The following IGSF11 variants were observed in gnomAD, a reference collection of about 807,000 sequenced individuals.
IGSF11 encodes the protein immunoglobulin superfamily member 11, also known as CXADR like 1.
A neutral mutation model predicts 41.0 loss-of-function variants in IGSF11; 22 were observed. That is an observed-to-expected ratio of 0.54 (90% confidence interval 0.38 to 0.77). IGSF11 has a LOEUF of 0.77. Among genes scored for constraint, IGSF11 ranks in the 30% least tolerant of loss-of-function variants. The probability of loss-of-function intolerance (pLI) is 0.00; values close to 1 mark genes in which losing one functional copy is unlikely to be tolerated. For synonymous variants in IGSF11, 219 were observed against 201.3 expected, an observed-to-expected ratio of 1.09 and a Z score of -0.74; for missense variants, 444 against 530.8, an observed-to-expected ratio of 0.84 and a Z score of 1.61.
chr3:119,086,734 T>C (rs2076681317), intron 1 of IGSF11, among the ~76,000 whole-genome samples: 1 of 152,192 alleles, frequency 6.6e-6, no homozygotes, highest in African/African-American at 2.4e-5. Context: ...TATGTTTCAA[T>C]AAGCCTTACA....
chr3:119,087,032 A>G (rs1011941138), intron 1 of IGSF11, among the ~76,000 whole-genome samples: 4 of 152,244 alleles, frequency 2.6e-5, no homozygotes, highest in African/African-American at 9.6e-5. Context: ...TGACACCCAC[A>G]GGCTCAAAGT....
chr3:118,972,954 T>C (rs7644623), intron 1 of IGSF11, among the ~76,000 whole-genome samples: 21,406 of 152,176 alleles, frequency 0.14, 2,128 homozygotes, highest in African/African-American at 0.26. Flanking sequence ...CAAAGATGCA[T>C]GTACTGTGAA....
rs1167309772 is a variant in IGSF11 at position 119,017,032 on chromosome 3, C to T, written c.52+17499G>A. 4.8e-5 allele frequency among the ~76,000 whole-genome samples: 6 copies of T among 124,988 alleles called. No homozygotes were observed. In the East Asian group the frequency reaches 6.4e-4, roughly 13 times the overall value. The allele number at this position is 124,988 out of a possible 152,430, so 82.0% of individuals were successfully genotyped here. A position where few individuals can be genotyped will look rare whatever the true frequency, so the allele number is the denominator to read the frequency against. On this transcript the variant is annotated intron_variant, in intron 1 of 6. Transcript: ENST00000393775. ...TAAAGCATGAGCAAAGTTAAATGGA[C>T]GCAGGACAAAAAAAAAAAAAAAAAA...
At position 118,915,269 on chromosome 3, in the gene IGSF11, G is replaced by C. The variant is rs1232176038; in HGVS notation, c.581-9551C>G. Among the ~76,000 whole-genome samples, 2 of 140,518 alleles carry C rather than the reference G, an allele frequency of 1.4e-5. 1 individual carries two copies. Among genetic ancestry groups the C allele is most frequent in the African/African-American group, 5.7e-5 (2 of 35,000 alleles). 92.2% of individuals were successfully genotyped at this position (140,518 alleles called of 152,430 possible). A position where few individuals can be genotyped will look rare whatever the true frequency, so the allele number is the denominator to read the frequency against. Reference sequence around the variant, plus strand: ...AAGCTGGATGGAGAAAGATTTTGACGAGCTGAGAGAAGAAGGCTTCAGACG... The same window carrying C: ...AAGCTGGATGGAGAAAGATTTTGACCAGCTGAGAGAAGAAGGCTTCAGACG... On this transcript the variant is annotated intron_variant, in intron 4 of 6. Transcript: ENST00000393775.
Position 118,930,188 on chromosome 3 carries a change from G to T in IGSF11, c.140C>A (p.Thr47Asn). 1 of 1,614,088 alleles carries T rather than the reference G, an allele frequency of 6.2e-7. No individual in the cohort carries two copies. Among genetic ancestry groups the T allele is most frequent in the East Asian group, 2.2e-5 (1 of 44,882 alleles). The change falls in exon 2 of 7, where the codon ACT becomes AAT. Residue 47 changes from threonine to asparagine, a missense_variant. This residue lies in a region of IGSF11 where 193 missense variants were observed against 283.5 expected (regional missense o/e 0.68). Transcript: ENST00000393775. ...GQPAVLPCTF[T>N]TSAALINLNV... is the part of the protein sequence containing the mutation. ...GAGGTTAATGAGGGCAGCGCTGGTA[G>T]TGAAAGTGCAGGGCAGGACTGCTGG...
chr3:119,088,832 T>G (rs2076718458), intron 1 of IGSF11, among the ~76,000 whole-genome samples: 1 of 152,058 alleles, frequency 6.6e-6, no homozygotes, highest in African/African-American at 2.4e-5. Context: ...GCACACAAAT[T>G]AGAAAATTTA....
At chr3:118,952,422 G>A (rs1359152825) in intron 1 of IGSF11, among the ~76,000 whole-genome samples, 2 of 152,090 alleles carry the variant, frequency 1.3e-5, no homozygotes, top group African/African-American at 4.8e-5. Context: ...CTCAAATCCT[G>A]CTATTATCAT....
chr3:119,105,298 G>C (rs910970084), upstream of IGSF11: 6 of 707,820 alleles, frequency 8.5e-6, no homozygotes, highest in African/African-American at 1.1e-4. Flanking sequence ...GTTTATTTTA[G>C]GAAAACCTTC....
At chr3:118,982,043 A>T (rs1347609197) in intron 1 of IGSF11, 1 of 152,240 alleles carries the variant, frequency 6.6e-6, no homozygotes, top group African/African-American at 2.4e-5. Flanking sequence ...TCTCCTAGAG[A>T]GTGGCTATCT....
chr3:119,038,484 G>A (rs1467022050), upstream of IGSF11, among the ~76,000 whole-genome samples: 1 of 152,116 alleles, frequency 6.6e-6, no homozygotes, highest in Non-Finnish European at 1.5e-5. Context: ...TCCATTTTGG[G>A]AAAAGTTAGC....
At chr3:119,094,936 T>G (rs2076826019) in intron 1 of IGSF11, among the ~76,000 whole-genome samples, 1 of 151,930 alleles carries the variant, frequency 6.6e-6, no homozygotes, top group Non-Finnish European at 1.5e-5. Context: ...CCTCCCAAAG[T>G]GCTGGGATTA....
At chr3:119,114,808 G>A (rs544748557) in intron 1 of IGSF11, among the ~76,000 whole-genome samples, 58 of 152,204 alleles carry the variant, frequency 3.8e-4, no homozygotes, top group African/African-American at 1.3e-3. Flanking sequence ...GTTCATTCTC[G>A]CATTGCTATC....
intron 1 of IGSF11, among the ~76,000 whole-genome samples, chr3:119,076,796 A>C (rs1383138862): frequency 7.5e-6 from 1 of 133,856 alleles, no homozygotes; most frequent in Non-Finnish European, 1.7e-5. Flanking sequence ...AAATAGGAAC[A>C]CTTTTTTTTT....
intron 1 of IGSF11, among the ~76,000 whole-genome samples, chr3:119,137,301 A>G (rs578076299): frequency 6.6e-6 from 1 of 152,292 alleles, no homozygotes; most frequent in South Asian, 2.1e-4. Context: ...GAGGAATCAC[A>G]TTACCTGTCT....
At chr3:119,016,870 C>T (rs1440455819) in intron 1 of IGSF11, among the ~76,000 whole-genome samples, 3 of 152,128 alleles carry the variant, frequency 2.0e-5, no homozygotes, top group Non-Finnish European at 4.4e-5. Flanking sequence ...AAGTGTCTGA[C>T]TCTGGTTGTA....
chr3:118,958,657 T>C (rs937776872), intron 1 of IGSF11, among the ~76,000 whole-genome samples: 1 of 152,210 alleles, frequency 6.6e-6, no homozygotes, highest in African/African-American at 2.4e-5. Flanking sequence ...CTAGAATGAA[T>C]TCAAAAATGA....
chr3:119,130,366 T>C (rs1403731487), intron 1 of IGSF11, among the ~76,000 whole-genome samples: 2 of 152,206 alleles, frequency 1.3e-5, no homozygotes, highest in Non-Finnish European at 2.9e-5. Flanking sequence ...ATACTGCACT[T>C]TTCCCATGGT....
intron 1 of IGSF11, among the ~76,000 whole-genome samples, chr3:119,021,458 T>C (rs569444204): frequency 3.7e-4 from 56 of 152,274 alleles, no homozygotes; most frequent in Non-Finnish European, 6.2e-4. Context: ...ATGTGTCTTT[T>C]GGGAGATGAG....
intron 1 of IGSF11, among the ~76,000 whole-genome samples, chr3:119,085,164 C>T (rs1031893765): frequency 6.6e-6 from 1 of 152,228 alleles, no homozygotes; most frequent in African/African-American, 2.4e-5. Flanking sequence ...CTCTCTCCCC[C>T]TCATACCATA....
Sources: gnomAD v4.1 joint callset for allele counts (sites outside exome capture counted in the v4.1 genomes callset) on GRCh38, gnomAD v4.1.1 for gene constraint, gnomAD v4.1.1 regional missense constraint, MANE v1.5 for transcripts, NCBI Gene and HGNC (gene_info 2026-07-23, HGNC 2026-07-21) for gene names.